The following KCNN2 variants were observed in gnomAD, a reference collection of about 807,000 sequenced individuals.
KCNN2 encodes potassium calcium-activated channel subfamily N member 2.
A neutral mutation model predicts 55.5 loss-of-function variants in KCNN2; 24 were observed. That is an observed-to-expected ratio of 0.43 (90% confidence interval 0.31 to 0.61). The LOEUF (loss-of-function observed/expected upper bound fraction) is 0.61. Among genes scored for constraint, KCNN2 ranks in the 20% least tolerant of loss-of-function variants. KCNN2 has a pLI of 0.08. For missense variants in KCNN2, 754 were observed against 853.6 expected (o/e 0.88, Z 1.45); for synonymous variants, 431 against 336.1 (o/e 1.28, Z -3.09).
At chr5:114,155,902 A>G (rs905676668) in intron 1 of KCNN2, among the ~76,000 whole-genome samples, 16 of 151,980 alleles carry the variant, frequency 1.1e-4, no homozygotes, top group African/African-American at 3.9e-4. Flanking sequence ...CTGTTTGTCA[A>G]TTTTTGCTTT....
chr5:114,427,627 T>A (rs1348453421), intron 3 of KCNN2, among the ~76,000 whole-genome samples: 1 of 152,252 alleles, frequency 6.6e-6, no homozygotes, highest in East Asian at 1.9e-4. Flanking sequence ...TTCATGTATG[T>A]GCTCATTTCT....
At position 114,362,704 on chromosome 5, in the gene KCNN2, C is replaced by T. The variant is rs540027916; in HGVS notation, c.565C>T (p.Pro189Ser). The T allele has an allele frequency of 1.2e-5, 18 of 1,491,280 alleles. No homozygotes were observed. The South Asian group carries it at 1.2e-4, about 10-fold the overall frequency. 92.4% of individuals were successfully genotyped at this position (1,491,280 alleles called of 1,614,324 possible). A position where few individuals can be genotyped will look rare whatever the true frequency, so the allele number is the denominator to read the frequency against. Residue 189 changes from proline to serine, a missense_variant, in exon 1 of 8, where the codon CCG becomes TCG. Pro to Ser is a moderately conservative substitution (Grantham distance 74, BLOSUM62 -1). Coordinates refer to ENST00000673685, the MANE Select transcript of KCNN2 (RefSeq NM_021614.4). ...GPPLSHHHHH[P>S]HPAHHQHHQP... is the part of the protein sequence containing the mutation. ...CCCGCTCTCGCACCACCACCACCAC[C>T]CGCACCCGGCGCACCACCAGCACCA...
At chr5:114,323,649 A>ATT (rs6149185) in intron 2 of KCNN2, among the ~76,000 whole-genome samples, 7 of 85,318 alleles carry the variant, frequency 8.2e-5, no homozygotes, top group African/African-American at 1.6e-4. Context: ...AAACATATCA[A>ATT]TTTTTTTTTT....
chr5:114,452,357 A>G (rs992115857), intron 3 of KCNN2, among the ~76,000 whole-genome samples: 3 of 152,182 alleles, frequency 2.0e-5, no homozygotes, highest in Non-Finnish European at 4.4e-5. Flanking sequence ...AATCTGTTGC[A>G]TATATTTTTC....
chr5:114,389,690 T>A (rs578023166), intron 2 of KCNN2, among the ~76,000 whole-genome samples: 28 of 152,304 alleles, frequency 1.8e-4, no homozygotes, highest in Admixed American at 5.2e-4. Context: ...GAAAAATATC[T>A]AACTTGGAAA....
chr5:114,253,256 G>A (rs894707338), intron 2 of KCNN2, among the ~76,000 whole-genome samples: 1 of 150,316 alleles, frequency 6.7e-6, no homozygotes, highest in Non-Finnish European at 1.5e-5. Context: ...AACAGAACTA[G>A]AATTAATAAT....
chr5:114,243,287 G>A (rs1217928382), intron 2 of KCNN2, among the ~76,000 whole-genome samples: 3 of 152,094 alleles, frequency 2.0e-5, no homozygotes, highest in East Asian at 1.9e-4. Context: ...ATATGTTTAC[G>A]GTAGTCTCCC....
At chr5:114,188,857 T>TA (rs1432688966) in intron 1 of KCNN2, among the ~76,000 whole-genome samples, 2 of 152,190 alleles carry the variant, frequency 1.3e-5, no homozygotes, top group Non-Finnish European at 2.9e-5. Flanking sequence ...GAGAAATCAG[T>TA]ACTGTAAAAT....
intron 1 of KCNN2, among the ~76,000 whole-genome samples, chr5:114,081,634 G>C (rs112046614): frequency 5.3e-5 from 8 of 152,236 alleles, no homozygotes; most frequent in African/African-American, 1.7e-4. Context: ...AACTCAAAAT[G>C]AATCAAAGAC....
chr5:114,293,832 T>C (rs927992196), intron 2 of KCNN2, among the ~76,000 whole-genome samples: 3 of 152,200 alleles, frequency 2.0e-5, no homozygotes, highest in African/African-American at 7.2e-5. Context: ...TGGACTCTTT[T>C]TGGTTGGTAA....
At chr5:114,152,281 A>T (rs1466435502) in intron 1 of KCNN2, among the ~76,000 whole-genome samples, 1 of 152,212 alleles carries the variant, frequency 6.6e-6, no homozygotes, top group South Asian at 2.1e-4. Flanking sequence ...AAATATTTGG[A>T]TAGCAAATCT....
intron 1 of KCNN2, among the ~76,000 whole-genome samples, chr5:114,079,067 G>A (rs1445613237): frequency 1.3e-5 from 2 of 152,216 alleles, no homozygotes; most frequent in East Asian, 1.9e-4. Context: ...CCACTACCCT[G>A]AGCCTCAAAT....
intron 1 of KCNN2, among the ~76,000 whole-genome samples, chr5:114,187,289 A>G (rs1299840169): frequency 1.3e-5 from 2 of 152,010 alleles, no homozygotes; most frequent in Non-Finnish European, 2.9e-5. Context: ...AAAATCTCCT[A>G]CATGAGTAAA....
chr5:114,247,896 C>T (rs1033651257), intron 2 of KCNN2, among the ~76,000 whole-genome samples: 2 of 151,772 alleles, frequency 1.3e-5, no homozygotes, highest in Non-Finnish European at 2.9e-5. Context: ...TAATTGGAAG[C>T]CCTCCTTGTG....
chr5:114,443,875 G>T (rs1481906115), intron 3 of KCNN2, among the ~76,000 whole-genome samples: 1 of 152,202 alleles, frequency 6.6e-6, no homozygotes, highest in East Asian at 1.9e-4. Flanking sequence ...CATGTGGCTG[G>T]TGATAAGAAG....
chr5:114,257,730 C>T (rs996356264), intron 2 of KCNN2, among the ~76,000 whole-genome samples: 5 of 152,124 alleles, frequency 3.3e-5, no homozygotes, highest in Admixed American at 6.5e-5. Context: ...ATTCATTTAT[C>T]AGATATAGAA....
intron 2 of KCNN2, among the ~76,000 whole-genome samples, chr5:114,281,044 T>G (rs1333877324): frequency 6.6e-6 from 1 of 152,188 alleles, no homozygotes; most frequent in Non-Finnish European, 1.5e-5. Flanking sequence ...CTTCCTTATT[T>G]CATTCAGGTC....
chr5:114,198,165 A>ATGGTT (rs1342334884), intron 1 of KCNN2, among the ~76,000 whole-genome samples: 1 of 151,830 alleles, frequency 6.6e-6, no homozygotes, highest in African/African-American at 2.4e-5. Flanking sequence ...GTTAACACAG[A>ATGGTT]TGGTTTCATT....
chr5:114,210,957 T>TA (rs954552057), intron 1 of KCNN2, among the ~76,000 whole-genome samples: 1 of 151,814 alleles, frequency 6.6e-6, no homozygotes, highest in African/African-American at 2.4e-5. Flanking sequence ...AACAAGCATA[T>TA]AAAAAAAGCT....
Sources: gnomAD v4.1 joint callset for allele counts (sites outside exome capture counted in the v4.1 genomes callset) on GRCh38, gnomAD v4.1.1 for gene constraint, MANE v1.5 for transcripts, NCBI Gene and HGNC (gene_info 2026-07-23, HGNC 2026-07-21) for gene names.